Variants in TBX20 observed in about 807,000 individuals in gnomAD.
The protein encoded by TBX20 is T-box transcription factor TBX20.
Under a neutral mutation model 42.9 loss-of-function variants are expected in TBX20, and 8 were observed. The ratio of observed to expected loss-of-function variants is 0.19; its 90% confidence interval spans 0.11 to 0.34. The LOEUF is 0.34. TBX20 is among the 10% of genes least tolerant of loss of function. TBX20 has a pLI of 1.00. For synonymous variants in TBX20, 198 were observed against 222.8 expected (o/e 0.89, Z 0.99); for missense variants, 411 against 566.0 (o/e 0.73, Z 2.78).
chr7:35,249,645 C>T lies in TBX20; in HGVS notation c.380+306G>A, dbSNP rs536452789. 1.2e-4 allele frequency among the ~76,000 whole-genome samples: 19 copies of T among 152,350 alleles called. No individual in the cohort carries two copies. The highest frequency in any genetic ancestry group is 2.8e-4 in the Non-Finnish European group (19 of 68,036). ...TCCTTCCAGATCCCGACCCTCCACC[C>T]GCCAAACCTTCTCCAGCTCCAGGGA... is the stretch of plus-strand genomic sequence containing the variant. On this transcript the variant is annotated intron_variant, in intron 2 of 7. Coordinates refer to ENST00000408931, the MANE Select transcript of TBX20 (RefSeq NM_001077653.2). This position sits in a 1 kb window ranked among gnomAD's most constrained non-coding sequence, Gnocchi z 4.3.
intron 3 of TBX20, among the ~76,000 whole-genome samples, chr7:35,247,948 T>C (rs1261815834): frequency 2.0e-5 from 3 of 152,186 alleles, no homozygotes; most frequent in Non-Finnish European, 4.4e-5. Flanking sequence ...TTAGTTAAAA[T>C]AATAACAGTA....
Position 35,249,809 on chromosome 7 carries a change from T to C in TBX20, c.380+142A>G, listed in dbSNP as rs1790268146. ...TCCTGTAGCTCCTAATGCAAGCTGG[T>C]GGAAAGCAGCTGCCCTGGAGCCAAG... On this transcript the variant is annotated intron_variant, in intron 2 of 7. Transcript: ENST00000408931. This position sits in a 1 kb window ranked among gnomAD's most constrained non-coding sequence, Gnocchi z 4.3. The C allele has an allele frequency of 4.3e-6, 4 of 933,626 alleles. No individual in the cohort carries two copies. The highest frequency in any genetic ancestry group is 6.4e-6 in the Non-Finnish European group (4 of 629,394). 57.8% of individuals were successfully genotyped at this position (933,626 alleles called of 1,614,324 possible).
chr7:35,231,216 T>C (rs1048825238), intron 6 of TBX20, among the ~76,000 whole-genome samples: 3 of 152,212 alleles, frequency 2.0e-5, no homozygotes, highest in East Asian at 3.8e-4. Context: ...AGCTTAAGAA[T>C]GTCAAGAGGA....
intron 6 of TBX20, among the ~76,000 whole-genome samples, chr7:35,205,485 A>C (rs542522294): frequency 6.6e-6 from 1 of 152,328 alleles, no homozygotes; most frequent in East Asian, 1.9e-4. Context: ...TGACCAGCAA[A>C]GGACAAAAGA....
At chr7:35,210,482 T>C (rs1789478396) in intron 6 of TBX20, among the ~76,000 whole-genome samples, 1 of 152,228 alleles carries the variant, frequency 6.6e-6, no homozygotes, top group Non-Finnish European at 1.5e-5. Context: ...TCAAATCTTC[T>C]GGGTCTTTAC....
At chr7:35,210,306 C>A (rs1306318110) in intron 6 of TBX20, among the ~76,000 whole-genome samples, 5 of 151,298 alleles carry the variant, frequency 3.3e-5, no homozygotes, top group East Asian at 1.9e-4. Context: ...TAGTAGAGAC[C>A]GGGTTTCACC....
intron 5 of TBX20, among the ~76,000 whole-genome samples, chr7:35,232,659 G>A (rs985920231): frequency 4.6e-5 from 7 of 152,126 alleles, no homozygotes; most frequent in African/African-American, 7.2e-5. Context: ...ATTCTTAACA[G>A]GGGAAAAAAG....
chr7:35,246,969 A>G (rs776266293), intron 3 of TBX20, among the ~76,000 whole-genome samples: 1 of 152,104 alleles, frequency 6.6e-6, no homozygotes, highest in Non-Finnish European at 1.5e-5. Flanking sequence ...TTCCAGCAAT[A>G]GCTTAAACAT....
At chr7:35,245,177 C>T in intron 3 of TBX20, 120 bp from the exon 4 acceptor site, 1 of 692,602 alleles carries the variant, frequency 1.4e-6, no homozygotes, top group Admixed American at 2.3e-5. Context: ...AATTTTATTG[C>T]CCTATATACC....
At chr7:35,250,381 C>T (rs113491016) in intron 1 of TBX20, among the ~76,000 whole-genome samples, 178 bp from the exon 2 acceptor site, 12 of 152,328 alleles carry the variant, frequency 7.9e-5, no homozygotes, top group East Asian at 5.8e-4. Flanking sequence ...GGGATTCCCA[C>T]GGAGTAGCAT....
chr7:35,240,774 G>A lies in TBX20; in HGVS notation c.813+105C>T, dbSNP rs551053228. On this transcript the variant is annotated intron_variant, in intron 5 of 7. Coordinates refer to ENST00000408931, the MANE Select transcript of TBX20 (RefSeq NM_001077653.2). Reference sequence around the variant, plus strand: ...GAAACTCAATAGCTCTCTGCAAAGTGAACATCCATTTTGAGTACTGGGATA... The same window carrying A: ...GAAACTCAATAGCTCTCTGCAAAGTAAACATCCATTTTGAGTACTGGGATA... 256 of 1,055,816 alleles carry A rather than the reference G, an allele frequency of 2.4e-4. 2 individuals carry two copies. In the East Asian group the frequency reaches 5.4e-3, roughly 22 times the overall value. The allele number at this position is 1,055,816 out of a possible 1,614,324, so 65.4% of individuals were successfully genotyped here.
chr7:35,244,823 A>T (rs1790148582), intron 4 of TBX20, 126 bp downstream of exon 4: 4 of 712,234 alleles, frequency 5.6e-6, no homozygotes, highest in Non-Finnish European at 1.0e-5. Context: ...GTTCCCATAA[A>T]ATGACTCAGA....
intron 5 of TBX20, among the ~76,000 whole-genome samples, chr7:35,239,256 C>T (rs1254750831): frequency 1.3e-5 from 2 of 152,086 alleles, no homozygotes; most frequent in Non-Finnish European, 2.9e-5. Flanking sequence ...TTGCCTTTCC[C>T]GAGGGTCTCC....
intron 6 of TBX20, among the ~76,000 whole-genome samples, chr7:35,221,324 A>G (rs1022811099): frequency 5.9e-5 from 9 of 151,440 alleles, no homozygotes; most frequent in Non-Finnish European, 1.5e-5. Context: ...ATATCAAAAG[A>G]AAAAGAAAGG....
In TBX20 at chr7:35,202,517, C is replaced by T. The variant is rs1472539296; in HGVS notation, c.1257G>A (p.Pro419=). 62 of 1,611,410 alleles carry T rather than the reference C, an allele frequency of 3.8e-5. No individual in the cohort carries two copies. Among genetic ancestry groups the T allele is most frequent in the Non-Finnish European group, 4.9e-5 (58 of 1,178,934 alleles). ...CCTGCTGAAAATAGTGATGGTATCG[C>T]GGCATGTGGAATGAAGGGAATGTGG... The part of the protein sequence containing the change: ...SGPTFPSFHM[P]RYHHYFQQGP... The change falls in exon 8 of 8, where the codon CCG becomes CCA. Residue 419 remains proline, a synonymous_variant. Transcript: ENST00000408931.
intron 6 of TBX20, among the ~76,000 whole-genome samples, chr7:35,205,895 G>T (rs1288979696): frequency 2.0e-5 from 3 of 152,156 alleles, no homozygotes; most frequent in East Asian, 3.8e-4. Context: ...TAACACATAG[G>T]TGTCAAAAAG....
chr7:35,207,390 T>G (rs1242723818), intron 6 of TBX20, among the ~76,000 whole-genome samples: 2 of 152,226 alleles, frequency 1.3e-5, no homozygotes, highest in Non-Finnish European at 2.9e-5. Flanking sequence ...GCACTGGTGT[T>G]TATAGAATAT....
intron 3 of TBX20, among the ~76,000 whole-genome samples, chr7:35,245,707 T>A (rs1562566694): frequency 6.6e-6 from 1 of 152,142 alleles, no homozygotes; most frequent in Non-Finnish European, 1.5e-5. Context: ...TAAATGAGAG[T>A]TAAAACAAGC....
At chr7:35,226,423 C>CTAAGGACATA (rs1789772256) in intron 6 of TBX20, among the ~76,000 whole-genome samples, 1 of 148,570 alleles carries the variant, frequency 6.7e-6, no homozygotes, top group Non-Finnish European at 1.5e-5. Context: ...AAAAAAAAAC[C>CTAAGGACATA]TAAGGACATA....
Sources: gnomAD v4.1 joint callset for allele counts (sites outside exome capture counted in the v4.1 genomes callset) on GRCh38, gnomAD v4.1.1 for gene constraint, Gnocchi (gnomAD v3.1) non-coding constraint, MANE v1.5 for transcripts, NCBI Gene and HGNC (gene_info 2026-07-23, HGNC 2026-07-21) for gene names.